The following MIER3 variants were observed in gnomAD, a reference collection of about 807,000 sequenced individuals.
The protein encoded by MIER3 is MIER family member 3.
In MIER3, 9 loss-of-function variants were observed where a neutral mutation model predicts 63.2. The observed-to-expected ratio is 0.14, with a 90% CI of 0.09 to 0.25. The LOEUF (loss-of-function observed/expected upper bound fraction) is 0.25, where lower values mean the gene tolerates loss of function less well. MIER3 is among the 10% of genes least tolerant of loss of function. The pLI, the probability that MIER3 is intolerant of heterozygous loss-of-function variation, is 1.00. For synonymous variants in MIER3, 205 were observed against 224.9 expected (o/e 0.91, Z 0.79); for missense variants, 512 against 666.2 (o/e 0.77, Z 2.55).
intron 2 of MIER3, 31 bp downstream of exon 2, chr5:56,950,597 A>G: frequency 6.2e-7 from 1 of 1,613,222 alleles, no homozygotes; most frequent in Non-Finnish European, 8.5e-7. Flanking sequence ...CCCACTGGGA[A>G]CCACCGAAGA....
chr5:56,944,005 T>G (rs758799416), intron 3 of MIER3, among the ~76,000 whole-genome samples: 15 of 152,198 alleles, frequency 9.9e-5, no homozygotes, highest in Non-Finnish European at 1.8e-4. Flanking sequence ...ATCCACTAAT[T>G]GCTAACCAAT....
chr5:56,929,087 A>C (rs1334274810), intron 9 of MIER3: 3 of 379,230 alleles, frequency 7.9e-6, no homozygotes, highest in Non-Finnish European at 1.4e-5. Context: ...TCAAGTCTAG[A>C]ATACAAAAAT....
At chr5:56,950,348 C>A (rs1321070974) in intron 2 of MIER3, among the ~76,000 whole-genome samples, 1 of 152,098 alleles carries the variant, frequency 6.6e-6, no homozygotes, top group African/African-American at 2.4e-5. Context: ...CTGTTTCAGG[C>A]TCGGAGGAAA....
intron 4 of MIER3, chr5:56,938,398 T>C (rs1435631916): frequency 6.4e-6 from 3 of 470,124 alleles, no homozygotes; most frequent in African/African-American, 6.0e-5. Context: ...CGTGTGAATT[T>C]TCCTCAGCAG....
At chr5:56,943,837 A>T (rs1344988822) in intron 3 of MIER3, among the ~76,000 whole-genome samples, 1 of 152,220 alleles carries the variant, frequency 6.6e-6, no homozygotes, top group Non-Finnish European at 1.5e-5. Flanking sequence ...CCATCACCTT[A>T]TCCCGGGTAT....
At chr5:56,950,085 A>G (rs1361140897) in intron 2 of MIER3, among the ~76,000 whole-genome samples, 2 of 152,218 alleles carry the variant, frequency 1.3e-5, no homozygotes, top group Admixed American at 6.5e-5. Context: ...CTCAGCTCAG[A>G]AGTCAAAATC....
intron 9 of MIER3, among the ~76,000 whole-genome samples, chr5:56,929,786 G>A (rs895209925): frequency 7.9e-5 from 12 of 152,144 alleles, no homozygotes; most frequent in African/African-American, 2.7e-4. Context: ...AGACCTGGAA[G>A]GTCTTCAAAG....
intron 1 of MIER3, among the ~76,000 whole-genome samples, chr5:56,951,468 G>T (rs909147682): frequency 6.6e-6 from 1 of 152,104 alleles, no homozygotes; most frequent in Non-Finnish European, 1.5e-5. Flanking sequence ...CGAGGGTCTC[G>T]GTCTGCCCTT....
rs1330915624 is a variant in MIER3 at position 56,943,769 on chromosome 5, TAGTA to T, written c.180+3153_180+3156del. ...AAAAACAATTTTTTCAAAATTGAAT[TAGTA>T]AGTCTCAAAGTCTGTAAGGATCTGT... On this transcript the variant is annotated intron_variant, in intron 3 of 12. Coordinates refer to ENST00000381199, the MANE Select transcript of MIER3 (RefSeq NM_001297599.2). Among the ~76,000 whole-genome samples the T allele has an allele frequency of 7.9e-5, 12 of 152,346 alleles. No individual in the cohort carries two copies. In the South Asian group the frequency reaches 1.2e-3, roughly 16 times the overall value.
chr5:56,950,879 C>G (rs1394681243), intron 1 of MIER3, among the ~76,000 whole-genome samples: 3 of 152,106 alleles, frequency 2.0e-5, no homozygotes, highest in Non-Finnish European at 4.4e-5. Context: ...CGGGACGAAG[C>G]CCGGAGTCTG....
rs1750989612 is a variant in MIER3, at chr5:56,950,663, GAGA to G, written c.10-14_10-12del. ...ACTTCCAAAAGAAGCCTAGGAGAGAGAGAAGAAAACGTGAGGTTAGATCGCACA... is the reference window on the plus strand; with the variant it reads ...ACTTCCAAAAGAAGCCTAGGAGAGAGAGAAAACGTGAGGTTAGATCGCACA... On this transcript the variant is annotated splice_polypyrimidine_tract_variant and intron_variant, in intron 1 of 12. Coordinates refer to ENST00000381199, the MANE Select transcript of MIER3 (RefSeq NM_001297599.2). 6.2e-7 allele frequency: 1 copy of G among 1,613,308 alleles called. No homozygotes were observed. The highest frequency in any genetic ancestry group is 8.5e-7 in the Non-Finnish European group (1 of 1,179,622).
intron 7 of MIER3, among the ~76,000 whole-genome samples, chr5:56,934,119 G>A (rs927423934): frequency 2.0e-5 from 3 of 152,060 alleles, no homozygotes; most frequent in Admixed American, 6.6e-5. Flanking sequence ...CAAGTATTTA[G>A]TCCAGTGCTT....
At chr5:56,952,051 G>C (rs1051931420) in intron 1 of MIER3, 43 bp downstream of exon 1, 2 of 1,264,772 alleles carry the variant, frequency 1.6e-6, no homozygotes, top group Non-Finnish European at 2.0e-6. Flanking sequence ...GCCGCCGGGC[G>C]CCCGCTCCAG....
chr5:56,940,346 A>C (rs1405292834), intron 3 of MIER3, among the ~76,000 whole-genome samples: 1 of 152,240 alleles, frequency 6.6e-6, no homozygotes, highest in Admixed American at 6.5e-5. Context: ...AAAGCAAACA[A>C]CATGAAAACA....
intron 3 of MIER3, among the ~76,000 whole-genome samples, chr5:56,941,823 T>G (rs1750655737): frequency 1.3e-5 from 2 of 152,014 alleles, no homozygotes; most frequent in African/African-American, 4.8e-5. Flanking sequence ...AAAAGCCTCA[T>G]GCTAGGTGAG....
Position 56,922,860 on chromosome 5 carries a change from G to A in MIER3, c.*268C>T, listed in dbSNP as rs988568076. The A allele has an allele frequency of 2.1e-5, 9 of 430,826 alleles. No individual in the cohort carries two copies. Among genetic ancestry groups the A allele is most frequent in the Non-Finnish European group, 2.6e-5 (6 of 234,812 alleles). The allele number at this position is 430,826 out of a possible 1,614,324, so 26.7% of individuals were successfully genotyped here. On this transcript the variant is annotated 3_prime_UTR_variant, in exon 13 of 13. Coordinates refer to ENST00000381199, the MANE Select transcript of MIER3 (RefSeq NM_001297599.2). The stretch of plus-strand genomic sequence containing the variant: ...AAGAAGGGAGTGGGGAAGAGGTATT[G>A]GGAGATGAGGAAGAGAGAAGCAGAG...
At chr5:56,945,976 A>G (rs529909962) in intron 3 of MIER3, among the ~76,000 whole-genome samples, 1 of 152,316 alleles carries the variant, frequency 6.6e-6, no homozygotes, top group South Asian at 2.1e-4. Flanking sequence ...TTAAACATCA[A>G]TAAAAAGAAT....
rs766384916 is a variant in MIER3 at position 56,923,231 on chromosome 5, A to G, written c.1550T>C (p.Met517Thr). 1 of 1,614,056 alleles carries G rather than the reference A, an allele frequency of 6.2e-7. No individual in the cohort carries two copies. The highest frequency in any genetic ancestry group is 8.5e-7 in the Non-Finnish European group (1 of 1,180,002). Residue 517 changes from methionine (M) to threonine (T), a missense_variant, in exon 13 of 13, where the codon ATG becomes ACG. Physicochemically the swap from Met to Thr is moderately conservative, Grantham distance 81. This residue lies in a region of MIER3 where 218 missense variants were observed against 251.2 expected (regional missense o/e 0.87). Transcript: ENST00000381199. ...NHTHHITSAK[M>T]AVSVADFGSL... ...GCCAAAGTCAGCCACAGAAACAGCC[A>G]TTTTGGCACTGGTGATGTGATGTGT...
rs999447145 is a variant in MIER3 at position 56,919,692 on chromosome 5, T to A, written c.*3436A>T. 25 of 152,776 alleles carry A rather than the reference T, an allele frequency of 1.6e-4. No homozygotes were observed. The highest frequency in any genetic ancestry group is 6.0e-4 in the African/African-American group (25 of 41,592). The allele number at this position is 152,776 out of a possible 1,614,324, so 9.5% of individuals were successfully genotyped here. ...TAATGCTCAAAAAAATCAGTGTTTATGTACAAATATTAAAATCAATGCAAT... is the reference window on the plus strand; with the variant it reads ...TAATGCTCAAAAAAATCAGTGTTTAAGTACAAATATTAAAATCAATGCAAT... On this transcript the variant is annotated 3_prime_UTR_variant, in exon 13 of 13. Coordinates refer to ENST00000381199, the MANE Select transcript of MIER3 (RefSeq NM_001297599.2).
Sources: gnomAD v4.1 joint callset for allele counts (sites outside exome capture counted in the v4.1 genomes callset) on GRCh38, gnomAD v4.1.1 for gene constraint, gnomAD v4.1.1 regional missense constraint, MANE v1.5 for transcripts, NCBI Gene and HGNC (gene_info 2026-07-23, HGNC 2026-07-21) for gene names.